TYW1B: variants seen among roughly 807,000 people sequenced by gnomAD.
TYW1B encodes tRNA-yW synthesizing protein 1 homolog B.
Under a neutral mutation model 86.9 loss-of-function variants are expected in TYW1B, and 73 were observed. The ratio of observed to expected loss-of-function variants is 0.84; its 90% CI spans 0.70 to 1.02. TYW1B has a LOEUF of 1.02. TYW1B is among the 50% of genes least tolerant of loss of function. TYW1B has a pLI of 0.00. For missense variants in TYW1B, 637 were observed against 827.4 expected (o/e 0.77, Z 2.82); for synonymous variants, 248 against 292.8 (o/e 0.85, Z 1.56).
chr7:72,704,435 A>T (rs1814565496), intron 10 of TYW1B, among the ~76,000 whole-genome samples: 2 of 11,036 alleles, frequency 1.8e-4, no homozygotes, highest in South Asian at 2.2e-3. Context: ...TTCTATCTTA[A>T]AAAAAAAAAA....
intron 13 of TYW1B, among the ~76,000 whole-genome samples, chr7:72,577,537 C>T (rs557024576): frequency 2.0e-5 from 3 of 152,296 alleles, no homozygotes; most frequent in African/African-American, 7.2e-5. Flanking sequence ...CTCGAAACTG[C>T]AGAGTCAAAG....
chr7:72,651,795 A>G (rs1230288173), intron 11 of TYW1B, among the ~76,000 whole-genome samples: 1 of 152,206 alleles, frequency 6.6e-6, no homozygotes, highest in Non-Finnish European at 1.5e-5. Flanking sequence ...AAAAGAACAG[A>G]AATTGTTAAC....
intron 11 of TYW1B, among the ~76,000 whole-genome samples, chr7:72,682,217 A>C (rs76210487): frequency 6.9e-6 from 1 of 145,808 alleles, no homozygotes; most frequent in Non-Finnish European, 1.5e-5. Flanking sequence ...CTCTGTTAAC[A>C]AAAAAAAAAA....
chr7:72,718,791 A>G (rs1182171644), intron 9 of TYW1B, among the ~76,000 whole-genome samples: 1 of 152,200 alleles, frequency 6.6e-6, no homozygotes, highest in African/African-American at 2.4e-5. Flanking sequence ...AATCCCCACC[A>G]TGAGCAGCTG....
chr7:72,737,836 G>A (rs368146602), intron 8 of TYW1B, among the ~76,000 whole-genome samples: 52 of 148,992 alleles, frequency 3.5e-4, no homozygotes, highest in African/African-American at 9.6e-4. Flanking sequence ...GTGCAGTGGC[G>A]TGATCTCGGC....
At chr7:72,765,573 C>T (rs571177591) in intron 7 of TYW1B, among the ~76,000 whole-genome samples, 4 of 152,268 alleles carry the variant, frequency 2.6e-5, no homozygotes, top group South Asian at 4.1e-4. Flanking sequence ...TCAAATGATT[C>T]TCGTGCCTCA....
intron 11 of TYW1B, among the ~76,000 whole-genome samples, chr7:72,687,600 T>C (rs1366733393): frequency 6.6e-6 from 1 of 152,142 alleles, no homozygotes; most frequent in Non-Finnish European, 1.5e-5. Context: ...TATTATATTA[T>C]AATGTTGAGA....
intron 5 of TYW1B, among the ~76,000 whole-genome samples, chr7:72,804,211 G>A (rs1324419140): frequency 2.0e-5 from 3 of 151,484 alleles, no homozygotes; most frequent in African/African-American, 7.3e-5. Flanking sequence ...CTTGAACCCA[G>A]GAGGTGGAGG....
chr7:72,664,660 A>C (rs1813418693), intron 11 of TYW1B, among the ~76,000 whole-genome samples: 1 of 152,188 alleles, frequency 6.6e-6, no homozygotes, highest in South Asian at 2.1e-4. Flanking sequence ...AGCAGGCTTA[A>C]TACCTGGATG....
intron 13 of TYW1B, among the ~76,000 whole-genome samples, chr7:72,579,433 C>T (rs1347420158): frequency 3.1e-4 from 47 of 152,232 alleles, no homozygotes; most frequent in African/African-American, 2.4e-5. Context: ...CTCAGGCTGC[C>T]GTAACAAAAT....
At chr7:72,583,376 G>C (rs1197345357) in intron 13 of TYW1B, among the ~76,000 whole-genome samples, 2 of 152,094 alleles carry the variant, frequency 1.3e-5, no homozygotes, top group Non-Finnish European at 2.9e-5. Context: ...TTAGCAAAAT[G>C]GCGGGTTGGG....
chr7:72,827,305 G>A (rs1788951053), intron 1 of TYW1B, among the ~76,000 whole-genome samples: 1 of 152,212 alleles, frequency 6.6e-6, no homozygotes, highest in South Asian at 2.1e-4. Context: ...CTACTCGGGA[G>A]GCTGAGGCAG....
chr7:72,711,830 G>C (rs558762692), intron 10 of TYW1B, among the ~76,000 whole-genome samples: 1 of 142,584 alleles, frequency 7.0e-6, no homozygotes, highest in Non-Finnish European at 1.5e-5. Context: ...CAGTGTTTAC[G>C]AAACAAACTT....
intron 7 of TYW1B, among the ~76,000 whole-genome samples, chr7:72,773,246 T>A (rs1554469962): frequency 6.6e-6 from 1 of 152,176 alleles, no homozygotes; most frequent in East Asian, 1.9e-4. Context: ...AAGCCAACAG[T>A]GTACAGTTGC....
At chr7:72,776,010 G>A (rs1384533857) in intron 7 of TYW1B, among the ~76,000 whole-genome samples, 1 of 152,114 alleles carries the variant, frequency 6.6e-6, no homozygotes, top group Non-Finnish European at 1.5e-5. Context: ...CACTCAGTGT[G>A]GTGGCTTACA....
At position 72,807,276 on chromosome 7, in the gene TYW1B, C is replaced by T; in HGVS notation, c.513G>A (p.Val171=). ...CAATGCTGCCGTGCTTGCTTTTAAC[C>T]ACGTCGCAGTCGCCCTCCCCTCGAC... is the stretch of plus-strand genomic sequence containing the variant. The part of the protein sequence containing the change: ...VMSRGEGDCD[V]VKSKHGSIEA... Residue 171 remains valine (V), a synonymous_variant, in exon 5 of 14, where the codon GTG becomes GTA. Transcript: ENST00000620995. 6.2e-7 allele frequency: 1 copy of T among 1,614,110 alleles called. No homozygotes were observed. The highest frequency in any genetic ancestry group is 1.7e-5 in the Admixed American group (1 of 59,986).
At chr7:72,707,251 A>G (rs559746397) in intron 10 of TYW1B, among the ~76,000 whole-genome samples, 5 of 152,376 alleles carry the variant, frequency 3.3e-5, no homozygotes, top group African/African-American at 4.8e-5. Context: ...GCTTGCCCCC[A>G]TCGCTGCTCT....
chr7:72,737,376 G>A (rs1451276198), intron 8 of TYW1B, among the ~76,000 whole-genome samples: 1 of 152,178 alleles, frequency 6.6e-6, no homozygotes, highest in Non-Finnish European at 1.5e-5. Flanking sequence ...ATTAAGGAAT[G>A]TGTTAATCAT....
chr7:72,787,432 C>T (rs7788607), intron 6 of TYW1B, among the ~76,000 whole-genome samples: 3,100 of 149,420 alleles, frequency 0.021, 128 homozygotes, highest in African/African-American at 0.073. Flanking sequence ...CACTGCACTC[C>T]AGCCTGGGCG....
Sources: gnomAD v4.1 joint callset for allele counts (sites outside exome capture counted in the v4.1 genomes callset) on GRCh38, gnomAD v4.1.1 for gene constraint, MANE v1.5 for transcripts, NCBI Gene and HGNC (gene_info 2026-07-23, HGNC 2026-07-21) for gene names.